Variants in TRPC5OS observed in about 807,000 individuals in gnomAD.
TRPC5OS encodes putative uncharacterized protein TRPC5OS.
For missense variants in TRPC5OS, 64 were observed against 79.3 expected, an observed-to-expected ratio of 0.81 and a Z score of 0.73; for synonymous variants, 30 against 29.3, an observed-to-expected ratio of 1.02 and a Z score of -0.08.
At chrX:111,885,170 T>C (rs548708438) in intron 1 of TRPC5OS, among the ~76,000 whole-genome samples, 1 of 113,083 alleles carries the variant, frequency 8.8e-6, no homozygotes, top group South Asian at 3.6e-4. Flanking sequence ...AGTTAATATC[T>C]AATCAGTCTA....
Position 111,878,644 on chromosome X carries a change from C to T in TRPC5OS, c.-546+2371C>T, listed in dbSNP as rs73639662. On this transcript the variant is annotated intron_variant, in intron 1 of 3. Coordinates refer to ENST00000635763, the MANE Select transcript of TRPC5OS (RefSeq NM_001195578.2). ...ATTGACAATGGCACCTCCCCTCAAT[C>T]GTGACAACCAAAAGCCTCTCCAGAC... is the stretch of plus-strand genomic sequence containing the variant. 5.1e-3 allele frequency among the ~76,000 whole-genome samples: 571 copies of T among 111,624 alleles called. 3 individuals carry two copies. Among genetic ancestry groups the T allele is most frequent in the African/African-American group, 0.018 (551 of 30,709 alleles).
At chrX:111,880,087 CT>C (rs1261333523) in intron 1 of TRPC5OS, among the ~76,000 whole-genome samples, 271 of 102,520 alleles carry the variant, frequency 2.6e-3, no homozygotes, top group South Asian at 5.1e-3. Flanking sequence ...TTTGTTGCTG[CT>C]TTTTTTTTTT....
chrX:111,903,377 G>C lies in TRPC5OS; in HGVS notation c.*1192G>C, dbSNP rs1294386898. ...GAAGCAAATTAATAAATTGTCAACA[G>C]TTATGCGACGGTTTATGATGGAAAG... is the stretch of plus-strand genomic sequence containing the variant. On this transcript the variant is annotated 3_prime_UTR_variant, in exon 4 of 4. Coordinates refer to ENST00000635763, the MANE Select transcript of TRPC5OS (RefSeq NM_001195578.2). 8.9e-6 allele frequency: 1 copy of C among 112,167 alleles called. No homozygotes were observed. The highest frequency in any genetic ancestry group is 1.9e-5 in the Non-Finnish European group (1 of 53,203). 9.2% of individuals were successfully genotyped at this position (112,167 alleles called of 1,213,427 possible).
chrX:111,880,088 T>C (rs1292420462), intron 1 of TRPC5OS, among the ~76,000 whole-genome samples: 1 of 95,363 alleles, frequency 1.0e-5, no homozygotes, highest in Non-Finnish European at 2.0e-5. Context: ...TTGTTGCTGC[T>C]TTTTTTTTTT....
chrX:111,902,315 C>T lies in TRPC5OS; in HGVS notation c.*130C>T. On this transcript the variant is annotated 3_prime_UTR_variant, in exon 4 of 4. Coordinates refer to ENST00000635763, the MANE Select transcript of TRPC5OS (RefSeq NM_001195578.2). ...TCTGCACATTTTCATTACTAATAAC[C>T]CATATAACAAGTGAGATTTGATTTA... The T allele has an allele frequency of 2.4e-6, 1 of 416,218 alleles. No homozygotes were observed. Among genetic ancestry groups the T allele is most frequent in the Non-Finnish European group, 3.9e-6 (1 of 258,544 alleles). The allele number at this position is 416,218 out of a possible 1,213,427, so 34.3% of individuals were successfully genotyped here. A position where few individuals can be genotyped will look rare whatever the true frequency, so the allele number is the denominator to read the frequency against.
chrX:111,894,206 A>G, intron 1 of TRPC5OS, among the ~76,000 whole-genome samples: 1 of 111,665 alleles, frequency 9.0e-6, no homozygotes, highest in Admixed American at 9.6e-5. Context: ...TACCTAATAC[A>G]AAGAAGCTTA....
At chrX:111,899,570 A>C in intron 3 of TRPC5OS, among the ~76,000 whole-genome samples, 1 of 111,312 alleles carries the variant, frequency 9.0e-6, no homozygotes, top group Non-Finnish European at 1.9e-5. Context: ...AAGCTGAGAA[A>C]AAAAACTGGG....
In TRPC5OS at chrX:111,901,999, A is replaced by G; in HGVS notation, c.150A>G (p.Glu50=). The part of the protein sequence containing the change: ...VEENGRAEET[E]ADAPLPEEPS... ...AAAATGGTAGAGCAGAAGAGACTGA[A>G]GCAGATGCACCTCTTCCCGAGGAGC... The change falls in exon 4 of 4, where the codon GAA becomes GAG. Residue 50 remains glutamate (E), a synonymous_variant. Coordinates refer to ENST00000635763, the MANE Select transcript of TRPC5OS (RefSeq NM_001195578.2). 1 of 1,155,925 alleles carries G rather than the reference A, an allele frequency of 8.7e-7. No homozygotes were observed. Among genetic ancestry groups the G allele is most frequent in the Non-Finnish European group, 1.1e-6 (1 of 872,780 alleles).
In TRPC5OS at chrX:111,893,982, G is replaced by A. The variant is rs938496708; in HGVS notation, c.-545-1969G>A. Reference sequence around the variant, plus strand: ...GATGTTTCCTCAAGGGGTGAAGAGGGTAACGAGAAGTTATATGTCTGTAGG... The same window carrying A: ...GATGTTTCCTCAAGGGGTGAAGAGGATAACGAGAAGTTATATGTCTGTAGG... On this transcript the variant is annotated intron_variant, in intron 1 of 3. Transcript: ENST00000635763. Among the ~76,000 whole-genome samples, 8 of 111,698 alleles carry A rather than the reference G, an allele frequency of 7.2e-5. No individual in the cohort carries two copies. The Admixed American group carries it at 7.7e-4, about 11-fold the overall frequency.
At chrX:111,897,140 T>C (rs1248567334) in intron 3 of TRPC5OS, among the ~76,000 whole-genome samples, 2 of 111,601 alleles carry the variant, frequency 1.8e-5, no homozygotes, top group East Asian at 5.6e-4. Context: ...TTGGGTCCCA[T>C]TCCTAAGATA....
Position 111,890,259 on chromosome X carries a change from C to T in TRPC5OS, c.-545-5692C>T, listed in dbSNP as rs189563056. Among the ~76,000 whole-genome samples the T allele has an allele frequency of 3.4e-3, 375 of 111,803 alleles. 2 individuals are homozygous for T. The highest frequency in any genetic ancestry group is 0.012 in the African/African-American group (365 of 30,790). Reference sequence around the variant, plus strand: ...AAAGCAAGCTTGTCCAACCTGTGGCCCAGGACAGCTTTGAATACGGCCCAA... The same window carrying T: ...AAAGCAAGCTTGTCCAACCTGTGGCTCAGGACAGCTTTGAATACGGCCCAA... On this transcript the variant is annotated intron_variant, in intron 1 of 3. Coordinates refer to ENST00000635763, the MANE Select transcript of TRPC5OS (RefSeq NM_001195578.2).
chrX:111,886,049 A>G (rs769722225), intron 1 of TRPC5OS, among the ~76,000 whole-genome samples: 1 of 111,956 alleles, frequency 8.9e-6, no homozygotes, highest in Admixed American at 9.4e-5. Context: ...GGAGGCCAAG[A>G]CGGGTGGATC....
At chrX:111,891,867 G>A (rs1422870974) in intron 1 of TRPC5OS, among the ~76,000 whole-genome samples, 2 of 112,218 alleles carry the variant, frequency 1.8e-5, no homozygotes, top group Non-Finnish European at 3.8e-5. Context: ...ATTATTATAA[G>A]TTAATGTATG....
At chrX:111,884,251 T>C (rs1458230687) in intron 1 of TRPC5OS, among the ~76,000 whole-genome samples, 7 of 112,847 alleles carry the variant, frequency 6.2e-5, no homozygotes, top group African/African-American at 2.3e-4. Flanking sequence ...ATTCATGTCC[T>C]AAGCCTAGTT....
At chrX:111,897,649 G>A (rs1417407382) in intron 3 of TRPC5OS, among the ~76,000 whole-genome samples, 1 of 111,495 alleles carries the variant, frequency 9.0e-6, no homozygotes, top group Non-Finnish European at 1.9e-5. Context: ...AATCTTTTGT[G>A]TCTGGCTTCT....
chrX:111,888,723 A>AGAGG lies in TRPC5OS; in HGVS notation c.-545-7226_-545-7225insGGGA, dbSNP rs1924656650. Among the ~76,000 whole-genome samples, 4 of 100,523 alleles carry AGAGG rather than the reference A, an allele frequency of 4.0e-5. 1 individual carries two copies. The highest frequency in any genetic ancestry group is 1.6e-4 in the African/African-American group (4 of 24,783). 87.3% of individuals were successfully genotyped at this position (100,523 alleles called of 115,157 possible). On this transcript the variant is annotated intron_variant, in intron 1 of 3. Coordinates refer to ENST00000635763, the MANE Select transcript of TRPC5OS (RefSeq NM_001195578.2). ...AAAAAAAAAAAAAAAAAAAAAAGAA[A>AGAGG]GAAAAGAAAAGAAAAGAGACTGTAG...
intron 3 of TRPC5OS, among the ~76,000 whole-genome samples, chrX:111,901,231 A>T (rs1925327215): frequency 9.0e-6 from 1 of 111,719 alleles, no homozygotes; most frequent in Non-Finnish European, 1.9e-5. Context: ...AATGAGGCAA[A>T]GGTGCTAATA....
intron 1 of TRPC5OS, 34 bp downstream of exon 1, chrX:111,876,307 A>C (rs950332353): frequency 9.0e-6 from 1 of 111,325 alleles, no homozygotes; most frequent in African/African-American, 3.3e-5. Context: ...ACCACTTGCA[A>C]GTCTATGAGA....
intron 1 of TRPC5OS, among the ~76,000 whole-genome samples, chrX:111,880,774 A>C (rs762852130): frequency 1.6e-3 from 181 of 112,484 alleles, no homozygotes; most frequent in African/African-American, 5.5e-3. Flanking sequence ...CCAGTCTTTC[A>C]TCACTAGGAA....
Sources: allele counts gnomAD v4.1 joint callset (sites outside exome capture counted in the v4.1 genomes callset), GRCh38; gene constraint gnomAD v4.1.1; transcripts MANE v1.5; gene names NCBI Gene and HGNC (gene_info 2026-07-23, HGNC 2026-07-21).